MKLN1: variants seen among roughly 807,000 people sequenced by gnomAD.
MKLN1 encodes muskelin 1.
Under a neutral mutation model 99.0 loss-of-function variants are expected in MKLN1, and 18 were observed. The ratio of observed to expected loss-of-function variants is 0.18; its 90% CI spans 0.13 to 0.27. The LOEUF is 0.27. MKLN1 is among the 10% of genes least tolerant of loss of function. The pLI, the probability that MKLN1 is intolerant of heterozygous loss-of-function variation, is 1.00. For missense variants in MKLN1, 621 were observed against 875.9 expected, an observed-to-expected ratio of 0.71 and a Z score of 3.67; for synonymous variants, 288 against 293.2, an observed-to-expected ratio of 0.98 and a Z score of 0.18.
At chr7:131,442,658 A>G (rs969371288) in intron 10 of MKLN1, among the ~76,000 whole-genome samples, 4 of 152,242 alleles carry the variant, frequency 2.6e-5, no homozygotes, top group African/African-American at 9.6e-5. Context: ...TATTTTAGCA[A>G]AACATAGATG....
chr7:131,335,915 A>G (rs545615316), intron 1 of MKLN1, among the ~76,000 whole-genome samples: 22 of 151,774 alleles, frequency 1.4e-4, no homozygotes, highest in African/African-American at 4.1e-4. Context: ...ACTGTCTTCT[A>G]TGTACTTTGT....
chr7:131,242,438 A>G (rs1169924695), intron 3 of MKLN1, among the ~76,000 whole-genome samples: 3 of 152,272 alleles, frequency 2.0e-5, no homozygotes, highest in African/African-American at 7.2e-5. Context: ...CAGGAGGCTG[A>G]CGTGTGAGGA....
chr7:131,121,194 G>T (rs1248928023), intron 1 of MKLN1, among the ~76,000 whole-genome samples: 1 of 152,082 alleles, frequency 6.6e-6, no homozygotes, highest in African/African-American at 2.4e-5. Flanking sequence ...CAGATCTCGT[G>T]AGAACTCACT....
chr7:131,214,958 A>T (rs1383539230), intron 3 of MKLN1, among the ~76,000 whole-genome samples: 1 of 152,352 alleles, frequency 6.6e-6, no homozygotes, highest in South Asian at 2.1e-4. Context: ...GTTTATGGCT[A>T]TTAAGTATGT....
At chr7:131,205,698 G>C (rs1212250370) in intron 3 of MKLN1, among the ~76,000 whole-genome samples, 1 of 152,044 alleles carries the variant, frequency 6.6e-6, no homozygotes, top group Non-Finnish European at 1.5e-5. Context: ...TGAGTTCCTT[G>C]TGGCTGTAAC....
At chr7:131,192,148 TATATACATATATACTTATGTATA>T (rs1563247359) in intron 2 of MKLN1, among the ~76,000 whole-genome samples, 53 of 119,302 alleles carry the variant, frequency 4.4e-4, no homozygotes, top group Non-Finnish European at 7.2e-4. Flanking sequence ...TATATACGTA[TATATACATATATACTTATGTATA>T]ATATATAAAA....
At position 131,430,415 on chromosome 7, in the gene MKLN1, T is replaced by C. The variant is rs1795490057; in HGVS notation, c.960+1270T>C. The stretch of plus-strand genomic sequence containing the variant: ...GTTTCAGTATTGAAGTACTGTTCTC[T>C]GAAATGATTATTTCTGTCTTCAACA... On this transcript the variant is annotated intron_variant, in intron 9 of 17. Transcript: ENST00000352689. 3.3e-5 allele frequency among the ~76,000 whole-genome samples: 5 copies of C among 152,268 alleles called. No individual in the cohort carries two copies. The South Asian group carries it at 1.0e-3, about 32-fold the overall frequency.
At chr7:131,203,229 G>T (rs913363192) in intron 3 of MKLN1, among the ~76,000 whole-genome samples, 1 of 152,166 alleles carries the variant, frequency 6.6e-6, no homozygotes, top group African/African-American at 2.4e-5. Flanking sequence ...GATTTCAGTG[G>T]CATTGCCTTC....
At chr7:131,194,944 C>T (rs766278651) in intron 2 of MKLN1, among the ~76,000 whole-genome samples, 3 of 152,200 alleles carry the variant, frequency 2.0e-5, no homozygotes, top group Non-Finnish European at 4.4e-5. Context: ...AAGTTAACTT[C>T]TCCCTTTGTA....
intron 2 of MKLN1, among the ~76,000 whole-genome samples, chr7:131,178,942 A>C (rs1796340173): frequency 6.6e-6 from 1 of 152,128 alleles, no homozygotes; most frequent in South Asian, 2.1e-4. Context: ...TTTACTGTGT[A>C]TTATACTTCA....
chr7:131,166,952 A>G (rs559026780), intron 2 of MKLN1, among the ~76,000 whole-genome samples: 53 of 152,206 alleles, frequency 3.5e-4, no homozygotes, highest in Admixed American at 9.2e-4. Context: ...TGGCCTCCCA[A>G]AATGCTGGGA....
At chr7:131,227,495 C>CTTTCTTTCTT (rs767797052) in intron 3 of MKLN1, among the ~76,000 whole-genome samples, 49 of 115,788 alleles carry the variant, frequency 4.2e-4, no homozygotes, top group Middle Eastern at 4.2e-3. Context: ...CTCTTTCTTT[C>CTTTCTTTCTT]TCTTTCTTTC....
At chr7:131,415,251 T>C (rs759050991) in intron 8 of MKLN1, among the ~76,000 whole-genome samples, 1 of 152,040 alleles carries the variant, frequency 6.6e-6, no homozygotes, top group African/African-American at 2.4e-5. Flanking sequence ...GGTCTCAGAT[T>C]AGCAGCTTAA....
chr7:131,231,799 A>G (rs902606094), intron 3 of MKLN1, among the ~76,000 whole-genome samples: 1 of 152,202 alleles, frequency 6.6e-6, no homozygotes, highest in Admixed American at 6.5e-5. Flanking sequence ...GGAGGTTGAA[A>G]CAACTTCAAC....
At chr7:131,284,107 T>G (rs1430393649) in intron 3 of MKLN1, among the ~76,000 whole-genome samples, 3 of 152,184 alleles carry the variant, frequency 2.0e-5, no homozygotes, top group Non-Finnish European at 2.9e-5. Flanking sequence ...TACGTCTCCT[T>G]GAACACATGT....
chr7:131,346,249 G>T (rs887016407), intron 1 of MKLN1, among the ~76,000 whole-genome samples: 3 of 152,206 alleles, frequency 2.0e-5, no homozygotes, highest in African/African-American at 7.2e-5. Flanking sequence ...TAGGGCGGGT[G>T]TGGTGGCTCA....
At chr7:131,265,368 C>T (rs1327463582) in intron 3 of MKLN1, among the ~76,000 whole-genome samples, 1 of 152,064 alleles carries the variant, frequency 6.6e-6, no homozygotes, top group African/African-American at 2.4e-5. Flanking sequence ...TTATGCACAG[C>T]CCCCTTCTTT....
intron 3 of MKLN1, among the ~76,000 whole-genome samples, chr7:131,205,403 A>G (rs1380580509): frequency 6.6e-6 from 1 of 152,230 alleles, no homozygotes; most frequent in African/African-American, 2.4e-5. Context: ...CTTCTTGGGC[A>G]TAGTCAGACA....
At chr7:131,377,217 G>A (rs1026904254) in intron 2 of MKLN1, among the ~76,000 whole-genome samples, 1 of 152,170 alleles carries the variant, frequency 6.6e-6, no homozygotes, top group Non-Finnish European at 1.5e-5. Context: ...GAATTATAGG[G>A]TAGGTATATG....
Sources: gnomAD v4.1 joint callset for allele counts (sites outside exome capture counted in the v4.1 genomes callset) on GRCh38, gnomAD v4.1.1 for gene constraint, MANE v1.5 for transcripts, NCBI Gene and HGNC (gene_info 2026-07-23, HGNC 2026-07-21) for gene names.